MLLT3: variants seen among roughly 807,000 people sequenced by gnomAD.
MLLT3 encodes protein AF-9.
MLLT3 carries 4 observed loss-of-function variants against 53.2 expected under a neutral mutation model. The observed-to-expected ratio is 0.08, with a 90% confidence interval of 0.04 to 0.17. The LOEUF (loss-of-function observed/expected upper bound fraction) is 0.17. Among genes scored for constraint, MLLT3 ranks in the 10% least tolerant of loss-of-function variants. MLLT3 has a pLI of 1.00. For synonymous variants in MLLT3, 283 were observed against 230.6 expected, an observed-to-expected ratio of 1.23 and a Z score of -2.06; for missense variants, 569 against 684.0, an observed-to-expected ratio of 0.83 and a Z score of 1.87.
chr9:20,364,566 TA>T (rs1821403022), intron 6 of MLLT3, among the ~76,000 whole-genome samples: 1 of 152,240 alleles, frequency 6.6e-6, no homozygotes, highest in Non-Finnish European at 1.5e-5. Context: ...CTTGACTCCC[TA>T]CAATCTCACA....
intron 4 of MLLT3, among the ~76,000 whole-genome samples, chr9:20,440,282 C>T (rs1823512984): frequency 3.3e-5 from 5 of 152,036 alleles, no homozygotes; most frequent in Admixed American, 3.3e-4. Flanking sequence ...GGCTATATCC[C>T]CTGTGGTAAT....
At chr9:20,498,589 C>G (rs914534656) in intron 2 of MLLT3, among the ~76,000 whole-genome samples, 1 of 152,198 alleles carries the variant, frequency 6.6e-6, no homozygotes, top group African/African-American at 2.4e-5. Context: ...TGCGGCCCAA[C>G]ACAAATTTGT....
intron 5 of MLLT3, among the ~76,000 whole-genome samples, chr9:20,389,029 T>TA (rs1396362844): frequency 3.3e-5 from 5 of 152,256 alleles, no homozygotes; most frequent in Admixed American, 6.5e-5. Flanking sequence ...ACATATTATG[T>TA]AAAAAAACAC....
At chr9:20,415,099 T>C (rs545968954) in intron 4 of MLLT3, among the ~76,000 whole-genome samples, 1 of 152,222 alleles carries the variant, frequency 6.6e-6, no homozygotes, top group East Asian at 1.9e-4. Context: ...CTTTGCAATA[T>C]AAGGAATCAT....
chr9:20,499,228 A>C (rs1459609121), intron 2 of MLLT3, among the ~76,000 whole-genome samples: 1 of 152,216 alleles, frequency 6.6e-6, no homozygotes, highest in Non-Finnish European at 1.5e-5. Flanking sequence ...TGATGACCTC[A>C]TCCTAAATTG....
At chr9:20,510,568 T>C (rs1046987150) in intron 2 of MLLT3, among the ~76,000 whole-genome samples, 14 of 134,802 alleles carry the variant, frequency 1.0e-4, no homozygotes, top group African/African-American at 2.0e-4. Context: ...GCCAAGATCA[T>C]ATGACTGCAC....
intron 5 of MLLT3, among the ~76,000 whole-genome samples, chr9:20,372,156 C>A (rs1263513853): frequency 6.6e-6 from 1 of 152,054 alleles, no homozygotes; most frequent in Non-Finnish European, 1.5e-5. Context: ...TATGGATGAG[C>A]AAAGAAACTG....
intron 3 of MLLT3, among the ~76,000 whole-genome samples, chr9:20,453,080 G>T (rs916034891): frequency 1.3e-5 from 2 of 152,122 alleles, no homozygotes; most frequent in Admixed American, 1.3e-4. Context: ...CAGAGACCTA[G>T]ATCAGACTAT....
chr9:20,569,808 T>C (rs553958516), intron 2 of MLLT3, among the ~76,000 whole-genome samples: 1 of 152,160 alleles, frequency 6.6e-6, no homozygotes, highest in Non-Finnish European at 1.5e-5. Context: ...AACATACCTA[T>C]GTATACGTAA....
At chr9:20,365,766 C>T in intron 5 of MLLT3, 22 bp from the exon 6 acceptor site, 1 of 1,613,308 alleles carries the variant, frequency 6.2e-7, no homozygotes. Context: ...AATAAAAAGG[C>T]ACCATCAATA....
chr9:20,528,241 CAT>C (rs1191571525), intron 2 of MLLT3, among the ~76,000 whole-genome samples: 1 of 152,168 alleles, frequency 6.6e-6, no homozygotes, highest in Non-Finnish European at 1.5e-5. Context: ...TAAATATATC[CAT>C]GTGTGTGTTC....
chr9:20,544,455 T>C (rs1261578789), intron 2 of MLLT3, among the ~76,000 whole-genome samples: 1 of 151,976 alleles, frequency 6.6e-6, no homozygotes, highest in Non-Finnish European at 1.5e-5. Context: ...CCAAAGAAAA[T>C]ATAGAAATGG....
intron 5 of MLLT3, among the ~76,000 whole-genome samples, chr9:20,413,226 C>G (rs1226808222): frequency 6.6e-6 from 1 of 152,028 alleles, no homozygotes; most frequent in Non-Finnish European, 1.5e-5. Flanking sequence ...ATCATTTTGC[C>G]TCAATAAAAC....
At chr9:20,479,387 A>G (rs1161411534) in intron 2 of MLLT3, among the ~76,000 whole-genome samples, 1 of 152,136 alleles carries the variant, frequency 6.6e-6, no homozygotes, top group Non-Finnish European at 1.5e-5. Flanking sequence ...CTCCCTTCAC[A>G]TCTAGAGCAA....
chr9:20,397,258 A>C (rs944544561), intron 5 of MLLT3, among the ~76,000 whole-genome samples: 1 of 152,148 alleles, frequency 6.6e-6, no homozygotes, highest in East Asian at 1.9e-4. Context: ...TCATAGAAAC[A>C]ATTGCTTTTT....
At chr9:20,536,673 T>A (rs576932537) in intron 2 of MLLT3, among the ~76,000 whole-genome samples, 1 of 152,318 alleles carries the variant, frequency 6.6e-6, no homozygotes, top group South Asian at 2.1e-4. Context: ...TAAATTGGAT[T>A]ACTGATGAGT....
chr9:20,453,555 C>A (rs1823889906), intron 3 of MLLT3, among the ~76,000 whole-genome samples: 1 of 151,952 alleles, frequency 6.6e-6, no homozygotes. Context: ...AGAGTGAAAC[C>A]CCACCAAAAC....
intron 5 of MLLT3, chr9:20,380,257 T>G (rs1420755006): frequency 2.0e-5 from 3 of 151,988 alleles, no homozygotes; most frequent in African/African-American, 4.8e-5. Context: ...AAAGGTCTTC[T>G]CCTCAGCCTC....
intron 2 of MLLT3, among the ~76,000 whole-genome samples, chr9:20,570,719 A>G (rs757305664): frequency 6.6e-6 from 1 of 152,228 alleles, no homozygotes; most frequent in East Asian, 1.9e-4. Context: ...CAAATTACTT[A>G]GAAATTCTGG....
Sources: gnomAD v4.1 joint callset for allele counts (sites outside exome capture counted in the v4.1 genomes callset) on GRCh38, gnomAD v4.1.1 for gene constraint, MANE v1.5 for transcripts, NCBI Gene and HGNC (gene_info 2026-07-23, HGNC 2026-07-21) for gene names.